The following NEMP2 variants were observed in gnomAD, a reference collection of about 807,000 sequenced individuals.
NEMP2 encodes the protein UPF0571 transmembrane protein.
Under a neutral mutation model 54.2 loss-of-function variants are expected in NEMP2, and 53 were observed. The ratio of observed to expected loss-of-function variants is 0.98; its 90% CI spans 0.78 to 1.23. NEMP2 has a LOEUF of 1.23. Ranked by LOEUF, NEMP2 falls within the 50% of genes most tolerant of loss-of-function variation. The pLI is 0.00. For synonymous variants in NEMP2, 197 were observed against 190.3 expected, an observed-to-expected ratio of 1.04 and a Z score of -0.29; for missense variants, 455 against 511.3, an observed-to-expected ratio of 0.89 and a Z score of 1.06.
chr2:190,569,581 G>A, the NEMP2 span, among the ~76,000 whole-genome samples: 11 of 152,180 alleles, frequency 7.2e-5, no homozygotes, highest in Admixed American at 1.3e-4. Context: ...AATAACTAAG[G>A]GAGGTTCCCT....
chr2:190,548,187 A>G, the NEMP2 span, among the ~76,000 whole-genome samples: 1 of 152,168 alleles, frequency 6.6e-6, no homozygotes, highest in Non-Finnish European at 1.5e-5. Context: ...CTACATGTTC[A>G]TATATCTTGG....
the NEMP2 span, among the ~76,000 whole-genome samples, chr2:190,487,872 CAA>C: frequency 6.6e-6 from 1 of 152,092 alleles, no homozygotes; most frequent in Non-Finnish European, 1.5e-5. The surrounding 1 kb of genome is among the most constrained non-coding windows in gnomAD (Gnocchi z 5.5). Context: ...TATCATCCAA[CAA>C]TTGCATTTCT....
At chr2:190,631,215 T>A in the NEMP2 span, among the ~76,000 whole-genome samples, 1 of 152,204 alleles carries the variant, frequency 6.6e-6, no homozygotes, top group African/African-American at 2.4e-5. Flanking sequence ...GTTTCCAAGA[T>A]GCTTACATAT....
chr2:190,514,407 A>G lies in NEMP2; in HGVS notation c.953+46T>C, dbSNP rs1377709194. The G allele has an allele frequency of 1.4e-6, 2 of 1,427,544 alleles. No individual in the cohort carries two copies. The highest frequency in any genetic ancestry group is 2.0e-5 in the Admixed American group (1 of 50,784). The allele number at this position is 1,427,544 out of a possible 1,614,324, so 88.4% of individuals were successfully genotyped here. The stretch of plus-strand genomic sequence containing the variant: ...AAACACTCTCCCAAATAATAAAACT[A>G]GAGCTCAAAATGTCAAATTTGCTGG... On this transcript the variant is annotated intron_variant, in intron 7 of 8. Transcript: ENST00000409150. This position sits in a 1 kb window ranked among gnomAD's most constrained non-coding sequence, Gnocchi z 5.7.
Position 190,509,045 on chromosome 2 carries a change from G to C in NEMP2, c.*144C>G. On this transcript the variant is annotated 3_prime_UTR_variant, in exon 9 of 9. Coordinates refer to ENST00000409150, the MANE Select transcript of NEMP2 (RefSeq NM_001142645.2). This position sits in a 1 kb window ranked among gnomAD's most constrained non-coding sequence, Gnocchi z 6.1. ...GCTAAGTTATCTTCAAAATGGGTTG[G>C]TTTCCCTTTCCAGACTGACTTGTTT... The C allele has an allele frequency of 7.7e-7, 1 of 1,303,532 alleles. No homozygotes were observed. The highest frequency in any genetic ancestry group is 1.0e-6 in the Non-Finnish European group (1 of 976,260). 80.7% of individuals were successfully genotyped at this position (1,303,532 alleles called of 1,614,324 possible).
the NEMP2 span, chr2:190,436,573 A>G: frequency 6.2e-7 from 1 of 1,614,192 alleles, no homozygotes; most frequent in South Asian, 1.1e-5. The surrounding 1 kb of genome is among the most constrained non-coding windows in gnomAD (Gnocchi z 5.3). Context: ...CCTGCCAACA[A>G]ATTCTTCCTT....
At chr2:190,468,453 A>AT in the NEMP2 span, among the ~76,000 whole-genome samples, 31,527 of 140,018 alleles carry the variant, frequency 0.23, 4,092 homozygotes, top group South Asian at 0.32. Context: ...ATAGGAATGA[A>AT]TTTTTTTTTT....
chr2:190,445,280 G>A, the NEMP2 span, among the ~76,000 whole-genome samples: 1 of 152,134 alleles, frequency 6.6e-6, no homozygotes, highest in East Asian at 1.9e-4. Flanking sequence ...CGGAGATGCT[G>A]TCATTGTTAA....
the NEMP2 span, among the ~76,000 whole-genome samples, chr2:190,460,811 G>A: frequency 6.6e-6 from 1 of 152,222 alleles, no homozygotes; most frequent in Non-Finnish European, 1.5e-5. Context: ...CTGCGAGTGG[G>A]AGGACTGAGA....
At chr2:190,570,503 T>TG in the NEMP2 span, among the ~76,000 whole-genome samples, 2 of 152,220 alleles carry the variant, frequency 1.3e-5, no homozygotes, top group Non-Finnish European at 2.9e-5. The surrounding 1 kb of genome is among the most constrained non-coding windows in gnomAD (Gnocchi z 5.4). Context: ...TGCTCTTACA[T>TG]GGCCAAGGTA....
At chr2:190,616,309 G>C in the NEMP2 span, among the ~76,000 whole-genome samples, 4 of 152,196 alleles carry the variant, frequency 2.6e-5, no homozygotes, top group African/African-American at 9.6e-5. The surrounding 1 kb of genome is among the most constrained non-coding windows in gnomAD (Gnocchi z 5.1). Context: ...AGAAAAAAAA[G>C]GATGACAGTA....
At chr2:190,592,000 C>A in the NEMP2 span, among the ~76,000 whole-genome samples, 1 of 152,144 alleles carries the variant, frequency 6.6e-6, no homozygotes, top group Non-Finnish European at 1.5e-5. This position sits in a 1 kb window ranked among gnomAD's most constrained non-coding sequence, Gnocchi z 5.4. Context: ...ATGATTAATT[C>A]TTCTTGCAAT....
At chr2:190,442,070 T>C in the NEMP2 span, among the ~76,000 whole-genome samples, 7 of 152,212 alleles carry the variant, frequency 4.6e-5, no homozygotes, top group African/African-American at 7.2e-5. Flanking sequence ...ATGGTAGACC[T>C]TAAATAACTT....
the NEMP2 span, chr2:190,607,970 T>C: frequency 2.0e-5 from 3 of 152,340 alleles, no homozygotes; most frequent in Admixed American, 2.0e-4. The surrounding 1 kb of genome is among the most constrained non-coding windows in gnomAD (Gnocchi z 5.2). Flanking sequence ...TCTGCAGTTT[T>C]AGTTATCTAT....
the NEMP2 span, among the ~76,000 whole-genome samples, chr2:190,545,242 C>T: frequency 1.4e-5 from 1 of 72,994 alleles, no homozygotes; most frequent in African/African-American, 3.4e-5. Flanking sequence ...CATCCGATCT[C>T]ACCAACTCCA....
the NEMP2 span, chr2:190,617,041 G>T: frequency 5.3e-5 from 8 of 151,628 alleles, no homozygotes; most frequent in African/African-American, 1.7e-4. The surrounding 1 kb of genome is among the most constrained non-coding windows in gnomAD (Gnocchi z 5.0). Context: ...GGGTTGGATC[G>T]CCTGAGCCTG....
chr2:190,638,178 C>T, the NEMP2 span, among the ~76,000 whole-genome samples: 1 of 152,156 alleles, frequency 6.6e-6, no homozygotes, highest in Non-Finnish European at 1.5e-5. This position sits in a 1 kb window ranked among gnomAD's most constrained non-coding sequence, Gnocchi z 5.7. Context: ...GAGAGGACTC[C>T]CAGTTGTCAG....
Position 190,517,615 on chromosome 2 carries a change from T to C in NEMP2, c.519-2A>G. 6.5e-7 allele frequency: 1 copy of C among 1,546,256 alleles called. No individual in the cohort carries two copies. The highest frequency in any genetic ancestry group is 1.4e-5 in the African/African-American group (1 of 72,978). On this transcript the variant is annotated splice_acceptor_variant, in intron 4 of 8. Transcript: ENST00000409150. LOFTEE classifies it high-confidence loss of function. The stretch of plus-strand genomic sequence containing the variant: ...GAGGAGTAATAGAAAGTAGGGCTTC[T>C]GTCAAGATAAGCAGATAAAAGCTAT...
chr2:190,633,375 G>A, the NEMP2 span, among the ~76,000 whole-genome samples: 5 of 149,524 alleles, frequency 3.3e-5, no homozygotes, highest in South Asian at 4.2e-4. Context: ...GTGCAATGGC[G>A]CGATCTTGGC....
Sources: allele counts gnomAD v4.1 joint callset (sites outside exome capture counted in the v4.1 genomes callset), GRCh38; gene constraint gnomAD v4.1.1; non-coding constraint Gnocchi (gnomAD v3.1); transcripts MANE v1.5; gene names NCBI Gene and HGNC (gene_info 2026-07-23, HGNC 2026-07-21).